Variants in CRYM observed in about 807,000 individuals in gnomAD.
CRYM encodes the protein ketimine reductase mu-crystallin.
A neutral mutation model predicts 32.9 loss-of-function variants in CRYM; 18 were observed. The observed-to-expected ratio is 0.55, with a 90% CI of 0.38 to 0.81. The LOEUF (loss-of-function observed/expected upper bound fraction) is 0.81. Among genes scored for constraint, CRYM ranks in the 30% least tolerant of loss-of-function variants. The probability of loss-of-function intolerance (pLI) is 0.00; values close to 1 mark genes in which losing one functional copy is unlikely to be tolerated. For synonymous variants in CRYM, 153 were observed against 152.4 expected, an observed-to-expected ratio of 1.00 and a Z score of -0.03; for missense variants, 337 against 393.5, an observed-to-expected ratio of 0.86 and a Z score of 1.21.
upstream of CRYM, among the ~76,000 whole-genome samples, chr16:21,282,679 GGAATTCACTCCAGTGAA>G (rs1426770709): frequency 9.2e-5 from 14 of 151,942 alleles, no homozygotes; most frequent in Admixed American, 1.3e-4. Context: ...CTCAATAATA[GGAATTCACTCCAGTGAA>G]TCCTGTAGAA....
At chr16:21,288,296 T>C (rs1485304814) in intron 1 of CRYM, among the ~76,000 whole-genome samples, 1 of 152,260 alleles carries the variant, frequency 6.6e-6, no homozygotes, top group African/African-American at 2.4e-5. Flanking sequence ...ATTATAGGTC[T>C]ATTCAGATAT....
At chr16:21,292,727 A>AGATG (rs1217010170) in intron 1 of CRYM, among the ~76,000 whole-genome samples, 2 of 143,692 alleles carry the variant, frequency 1.4e-5, no homozygotes, top group African/African-American at 2.6e-5. Flanking sequence ...CATAGATGAC[A>AGATG]GATGGATGGA....
intron 6 of CRYM, 23 bp from the exon 7 acceptor site, chr16:21,261,361 C>T: frequency 1.9e-6 from 3 of 1,603,794 alleles, no homozygotes; most frequent in South Asian, 1.1e-5. Flanking sequence ...CATACGCTGA[C>T]CCAGGCATGA....
intron 1 of CRYM, among the ~76,000 whole-genome samples, chr16:21,295,198 A>G (rs190391565): frequency 1.5e-3 from 221 of 152,318 alleles, no homozygotes; most frequent in Admixed American, 4.1e-3. Context: ...ATGAGATAGC[A>G]GGGTCAAATG....
intron 7 of CRYM, 56 bp downstream of exon 7, chr16:21,261,198 G>A: frequency 1.2e-5 from 16 of 1,353,046 alleles, no homozygotes; most frequent in South Asian, 8.2e-5. Flanking sequence ...TCCACCAATG[G>A]GTGAACCTGC....
chr16:21,300,944 G>C (rs945860545), intron 1 of CRYM: 5 of 152,514 alleles, frequency 3.3e-5, no homozygotes, highest in African/African-American at 1.2e-4. Flanking sequence ...GTGGCTGGCG[G>C]GTAAAGGCAG....
rs571756634 is a variant in CRYM at position 21,286,517 on chromosome 16, G to A, written c.-192-7557C>T. Among the ~76,000 whole-genome samples, 467 of 151,034 alleles carry A rather than the reference G, an allele frequency of 3.1e-3. 1 individual carries two copies. The highest frequency in any genetic ancestry group is 4.9e-3 in the Non-Finnish European group (335 of 67,826). ...GCTGGAATTACAGGCATGAGCCACC[G>A]CACCCAGCCTAAAGACATAATTGAC... On this transcript the variant is annotated intron_variant, in intron 1 of 9. Transcript: ENST00000219599.
At chr16:21,261,484 C>G in intron 6 of CRYM, 146 bp from the exon 7 acceptor site, 3 of 681,310 alleles carry the variant, frequency 4.4e-6, no homozygotes, top group Non-Finnish European at 7.7e-6. Context: ...CCTTTGTACA[C>G]TGAATGATAT....
chr16:21,258,770 G>A lies in CRYM; in HGVS notation c.*11C>T, dbSNP rs760305239. The A allele has an allele frequency of 4.3e-6, 7 of 1,611,724 alleles. No homozygotes were observed. The Admixed American group carries it at 1.0e-4, about 23-fold the overall frequency. ...CCTCAAGCATCCATCTCAACATCAA[G>A]TTCCTTTGTTTTATTTACCAGATGA... is the stretch of plus-strand genomic sequence containing the variant. On this transcript the variant is annotated 3_prime_UTR_variant, in exon 8 of 8. Coordinates refer to ENST00000572914, the MANE Select transcript of CRYM (RefSeq NM_001376256.1).
rs368638255 is a variant in CRYM at position 21,278,284 on chromosome 16, G to T, written c.-33C>A. 6.4e-7 allele frequency: 1 copy of T among 1,566,096 alleles called. No individual in the cohort carries two copies. On this transcript the variant is annotated 5_prime_UTR_variant, in exon 1 of 8. Transcript: ENST00000572914. The stretch of plus-strand genomic sequence containing the variant: ...CCTGTGCCTTCTAACCTCAGTCTCC[G>T]CACCGCGATCCACGTACCCTCGGCT...
chr16:21,284,547 ATTTCTTTC>A (rs921777686), intron 1 of CRYM, among the ~76,000 whole-genome samples: 2 of 151,734 alleles, frequency 1.3e-5, no homozygotes, highest in Non-Finnish European at 2.9e-5. Context: ...GGTTCTAGAC[ATTTCTTTC>A]TTTCTTTCTT....
At chr16:21,296,949 C>T (rs1282779953) in intron 1 of CRYM, among the ~76,000 whole-genome samples, 2 of 151,698 alleles carry the variant, frequency 1.3e-5, no homozygotes, top group African/African-American at 4.8e-5. Flanking sequence ...GTGGAGCTTG[C>T]AGTGAGCCGA....
chr16:21,300,014 T>C (rs1239853233), intron 1 of CRYM: 1 of 152,212 alleles, frequency 6.6e-6, no homozygotes, highest in African/African-American at 2.4e-5. Flanking sequence ...ACATTGCATG[T>C]TAAGTAAGAG....
intron 7 of CRYM, 103 bp from the exon 8 acceptor site, chr16:21,258,948 A>C: frequency 2.2e-6 from 2 of 896,128 alleles, no homozygotes; most frequent in South Asian, 2.6e-5. Context: ...CCATGTTGCC[A>C]ATGCCTATTG....
intron 6 of CRYM, 76 bp downstream of exon 6, chr16:21,261,961 G>A: frequency 6.3e-7 from 1 of 1,598,496 alleles, no homozygotes; most frequent in Non-Finnish European, 8.6e-7. Flanking sequence ...CAAACTGGAA[G>A]GGAAGTTAAT....
chr16:21,291,074 GC>G (rs1451930423), intron 1 of CRYM, among the ~76,000 whole-genome samples: 1 of 152,156 alleles, frequency 6.6e-6, no homozygotes, highest in African/African-American at 2.4e-5. Context: ...TAATGTTACA[GC>G]TTTTAATTTT....
chr16:21,298,172 G>A (rs976877109), intron 1 of CRYM, among the ~76,000 whole-genome samples: 1 of 152,128 alleles, frequency 6.6e-6, no homozygotes. Context: ...AGTTTGTCCA[G>A]CCTTTCCTTA....
At chr16:21,281,111 TCTCTC>T (rs2152863757), upstream of CRYM, among the ~76,000 whole-genome samples, 1 of 74,764 alleles carries the variant, frequency 1.3e-5, no homozygotes, top group Non-Finnish European at 2.7e-5. Context: ...TCTCTCTCAC[TCTCTC>T]TCTCTCTCTC....
At chr16:21,276,608 GGGGAA>G (rs2093387099) in intron 2 of CRYM, among the ~76,000 whole-genome samples, 1 of 152,178 alleles carries the variant, frequency 6.6e-6, no homozygotes, top group East Asian at 1.9e-4. Context: ...CAGAAATTGG[GGGGAA>G]GGGGAGTTAA....
Sources: gnomAD v4.1 joint callset for allele counts (sites outside exome capture counted in the v4.1 genomes callset) on GRCh38, gnomAD v4.1.1 for gene constraint, MANE v1.5 for transcripts, NCBI Gene and HGNC (gene_info 2026-07-23, HGNC 2026-07-21) for gene names.